Variants in MYH6 observed in about 807,000 individuals in gnomAD.
The protein encoded by MYH6 is myosin-6.
MYH6 carries 126 observed loss-of-function variants against 223.2 expected under a neutral mutation model. The observed-to-expected ratio is 0.56, with a 90% CI of 0.49 to 0.65. The LOEUF (loss-of-function observed/expected upper bound fraction) is 0.65. MYH6 is among the 30% of genes least tolerant of loss of function. MYH6 has a pLI of 0.00. For synonymous variants in MYH6, 978 were observed against 1,010.2 expected (o/e 0.97, Z 0.61); for missense variants, 2,040 against 2,536.4 (o/e 0.80, Z 4.20).
chr14:23,397,755 C>G, intron 15 of MYH6, 142 bp from the exon 16 acceptor site: 4 of 881,000 alleles, frequency 4.5e-6, no homozygotes, highest in Non-Finnish European at 7.3e-6. Context: ...ATGAGGATGA[C>G]AGTAACAACT....
At position 23,405,048 on chromosome 14, in the gene MYH6, G is replaced by A. The variant is rs371031033; in HGVS notation, c.530+52C>T. On this transcript the variant is annotated intron_variant, in intron 6 of 38. Coordinates refer to ENST00000405093, the MANE Select transcript of MYH6 (RefSeq NM_002471.4). The surrounding 1 kb of genome is among the most constrained non-coding windows in gnomAD (Gnocchi z 4.7). Reference sequence around the variant, plus strand: ...CCTCCCAACTACACCCTAGGCATCAGCGTGTATGCCCCCAGCCCAGTCCCT... The same window carrying A: ...CCTCCCAACTACACCCTAGGCATCAACGTGTATGCCCCCAGCCCAGTCCCT... The A allele has an allele frequency of 1.9e-6, 3 of 1,612,572 alleles. No homozygotes were observed. The highest frequency in any genetic ancestry group is 1.7e-6 in the Non-Finnish European group (2 of 1,178,754).
Position 23,384,507 on chromosome 14 carries a change from G to A in MYH6, c.5500C>T (p.Arg1834Cys), listed in dbSNP as rs137923514. Residue 1834 changes from arginine (R) to cysteine (C), a missense_variant, in exon 36 of 39, where the codon CGC (arginine) becomes TGC (cysteine). Coordinates refer to ENST00000405093, the MANE Select transcript of MYH6 (RefSeq NM_002471.4). ...LEGELEAEQK[R>C]NAESVKGMRK... Reference sequence around the variant, plus strand: ...ATGCCCTTCACCGACTCTGCGTTGCGCTTCTGCTCGGCCTCCAGCTCACCC... The same window carrying A: ...ATGCCCTTCACCGACTCTGCGTTGCACTTCTGCTCGGCCTCCAGCTCACCC... The A allele has an allele frequency of 1.3e-5, 21 of 1,613,044 alleles. No individual in the cohort carries two copies. The highest frequency in any genetic ancestry group is 2.2e-5 in the East Asian group (1 of 44,886).
rs1480844465 is a variant in MYH6 at position 23,393,889 on chromosome 14, T to C, written c.2705A>G (p.Asp902Gly). 1 of 1,614,070 alleles carries C rather than the reference T, an allele frequency of 6.2e-7. No individual in the cohort carries two copies. Among genetic ancestry groups the C allele is most frequent in the Non-Finnish European group, 8.5e-7 (1 of 1,180,050 alleles). ...QVQAEQDNLNDAEERCDQLIK... is the reference protein window; with the variant it reads ...QVQAEQDNLNGAEERCDQLIK... ...CAGCTGGTCGCAGCGCTCCTCAGCA[T>C]CATTGAGGTTGTCTTGTTCCTGGGA... The change falls in exon 22 of 39, where the codon GAT (aspartate) becomes GGT (glycine). Residue 902 changes from aspartate (D) to glycine (G), a missense_variant. Around this residue, in one of 4 missense-constraint regions of MYH6, gnomAD observed 1,203 missense variants for 1,400.2 expected, o/e 0.86. Coordinates refer to ENST00000405093, the MANE Select transcript of MYH6 (RefSeq NM_002471.4).
At chr14:23,395,619 C>A (rs943074808) in intron 20 of MYH6, among the ~76,000 whole-genome samples, 1 of 152,094 alleles carries the variant, frequency 6.6e-6, no homozygotes, top group African/African-American at 2.4e-5. Flanking sequence ...CTCTGCCTCC[C>A]GGGCTCATGC....
At chr14:23,402,625 G>C (rs781163387) in intron 11 of MYH6, 23 bp from the exon 12 acceptor site, 9 of 1,613,734 alleles carry the variant, frequency 5.6e-6, no homozygotes, top group South Asian at 1.1e-5. Context: ...GAGAGACAAA[G>C]AGGGGGGTTG....
In MYH6 at chr14:23,386,500, G is replaced by A; in HGVS notation, c.4774C>T (p.His1592Tyr). 5 of 1,614,172 alleles carry A rather than the reference G, an allele frequency of 3.1e-6. No individual in the cohort carries two copies. Among genetic ancestry groups the A allele is most frequent in the Non-Finnish European group, 4.2e-6 (5 of 1,180,032 alleles). The part of the protein sequence containing the change: ...DEEMEQAKRN[H>Y]QRVVDSLQTS... Reference sequence around the variant, plus strand: ...TGCAGCGAGTCCACCACCCGCTGGTGGTTGCGCTTGGCCTGTTCCATCTCC... The same window carrying A: ...TGCAGCGAGTCCACCACCCGCTGGTAGTTGCGCTTGGCCTGTTCCATCTCC... The change falls in exon 33 of 39, where the codon CAC becomes TAC. Residue 1592 changes from histidine (H) to tyrosine (Y), a missense_variant. This residue lies in a region of MYH6 where 1,203 missense variants were observed against 1,400.2 expected (regional missense o/e 0.86). Transcript: ENST00000405093.
chr14:23,388,912 C>A lies in MYH6; in HGVS notation c.4122G>T (p.Arg1374Ser). ...SKANSEVAQW[R>S]TKYETDAIQR... ...GAATGGCGTCCGTCTCATACTTGGTCCTCCACTGGGCCACCTCCGAGTTGG... is the reference window on the plus strand; with the variant it reads ...GAATGGCGTCCGTCTCATACTTGGTACTCCACTGGGCCACCTCCGAGTTGG... Residue 1374 changes from arginine (R) to serine (S), a missense_variant, in exon 29 of 39, where the codon AGG (arginine) becomes AGT (serine). This residue lies in a region of MYH6 where 1,203 missense variants were observed against 1,400.2 expected (regional missense o/e 0.86). Coordinates refer to ENST00000405093, the MANE Select transcript of MYH6 (RefSeq NM_002471.4). The A allele has an allele frequency of 3.1e-6, 5 of 1,613,802 alleles. No individual in the cohort carries two copies. Among genetic ancestry groups the A allele is most frequent in the Non-Finnish European group, 4.2e-6 (5 of 1,180,048 alleles).
chr14:23,406,359 G>A (rs1814645639), intron 3 of MYH6, among the ~76,000 whole-genome samples: 1 of 152,176 alleles, frequency 6.6e-6, no homozygotes, highest in Admixed American at 6.5e-5. Flanking sequence ...ATGACTAAAT[G>A]ATTTGCCTGC....
chr14:23,388,922 G>T lies in MYH6; in HGVS notation c.4112C>A (p.Ala1371Asp). The change falls in exon 29 of 39, where the codon GCC (alanine) becomes GAC (aspartate). Residue 1371 changes from alanine to aspartate, a missense_variant. Transcript: ENST00000405093. ...CGTCTCATACTTGGTCCTCCACTGG[G>T]CCACCTCCGAGTTGGCCTTGGACAG... The part of the protein sequence containing the change: ...RVLSKANSEV[A>D]QWRTKYETDA... The T allele has an allele frequency of 6.2e-7, 1 of 1,613,784 alleles. No homozygotes were observed. Among genetic ancestry groups the T allele is most frequent in the Non-Finnish European group, 8.5e-7 (1 of 1,180,044 alleles).
chr14:23,382,426 A>G lies in MYH6; in HGVS notation c.5796+2T>C. 6.2e-7 allele frequency: 1 copy of G among 1,614,080 alleles called. No homozygotes were observed. The highest frequency in any genetic ancestry group is 8.5e-7 in the Non-Finnish European group (1 of 1,180,010). Reference sequence around the variant, plus strand: ...CTAGTGAAGCCCAGGGGAGGGACCCACCTTGGCACCAATGTCACGGCTCTT... The same window carrying G: ...CTAGTGAAGCCCAGGGGAGGGACCCGCCTTGGCACCAATGTCACGGCTCTT... On this transcript the variant is annotated splice_donor_variant, in intron 38 of 38. Coordinates refer to ENST00000405093, the MANE Select transcript of MYH6 (RefSeq NM_002471.4). LOFTEE classifies it high-confidence loss of function.
intron 3 of MYH6, among the ~76,000 whole-genome samples, chr14:23,406,139 C>G (rs1595065057): frequency 1.3e-5 from 2 of 152,246 alleles, no homozygotes; most frequent in East Asian, 3.9e-4. Flanking sequence ...CCGAGGCTGT[C>G]TCCCGCGGGC....
At chr14:23,401,059 T>A (rs920333075) in intron 12 of MYH6, 82 bp from the exon 13 acceptor site, 27 of 1,553,084 alleles carry the variant, frequency 1.7e-5, no homozygotes, top group Admixed American at 3.9e-5. Context: ...CAGGCTTGAG[T>A]GCAGTGGCAC....
At chr14:23,397,336 C>G in intron 16 of MYH6, 79 bp from the exon 17 acceptor site, 1 of 1,421,276 alleles carries the variant, frequency 7.0e-7, no homozygotes, top group Non-Finnish European at 9.9e-7. Flanking sequence ...CCCAGACACT[C>G]TCCACCAGAA....
At chr14:23,398,294 G>A (rs1029085785) in intron 15 of MYH6, among the ~76,000 whole-genome samples, 6 of 152,100 alleles carry the variant, frequency 3.9e-5, no homozygotes, top group Non-Finnish European at 8.8e-5. Flanking sequence ...GGGATTACAG[G>A]CGTGAGCCAC....
Position 23,389,727 on chromosome 14 carries a change from A to T in MYH6, c.3733-8T>A. On this transcript the variant is annotated splice_polypyrimidine_tract_variant and splice_region_variant and intron_variant, in intron 26 of 38. Coordinates refer to ENST00000405093, the MANE Select transcript of MYH6 (RefSeq NM_002471.4). Reference sequence around the variant, plus strand: ...CACTTTCTCCAGGTTTGCCTTCAGGAAGCAAGACAGGAAGGGTGAGTGTGG... The same window carrying T: ...CACTTTCTCCAGGTTTGCCTTCAGGTAGCAAGACAGGAAGGGTGAGTGTGG... 6.2e-7 allele frequency: 1 copy of T among 1,614,104 alleles called. No homozygotes were observed. The highest frequency in any genetic ancestry group is 1.1e-5 in the South Asian group (1 of 91,064).
chr14:23,405,785 T>A lies in MYH6; in HGVS notation c.202-15A>T. The A allele has an allele frequency of 6.2e-7, 1 of 1,614,074 alleles. No individual in the cohort carries two copies. The highest frequency in any genetic ancestry group is 8.5e-7 in the Non-Finnish European group (1 of 1,179,978). On this transcript the variant is annotated splice_polypyrimidine_tract_variant and intron_variant, in intron 3 of 38. Transcript: ENST00000405093. The surrounding 1 kb of genome is among the most constrained non-coding windows in gnomAD (Gnocchi z 4.7). ...ACAGTCACCGTCTGGAGGGGGCGCATAAGCAGGAGGATGAGTGACCACAAT... is the reference window on the plus strand; with the variant it reads ...ACAGTCACCGTCTGGAGGGGGCGCAAAAGCAGGAGGATGAGTGACCACAAT...
chr14:23,399,194 A>G (rs945970100), intron 14 of MYH6, among the ~76,000 whole-genome samples, 157 bp from the exon 15 acceptor site: 2 of 152,196 alleles, frequency 1.3e-5, no homozygotes, highest in Admixed American at 1.3e-4. Context: ...CAGGAAGCCA[A>G]TATTCCTGGA....
Position 23,403,371 on chromosome 14 carries a change from G to T in MYH6, c.875C>A (p.Ser292Tyr). The T allele has an allele frequency of 6.2e-7, 1 of 1,614,092 alleles. No homozygotes were observed. The highest frequency in any genetic ancestry group is 8.5e-7 in the Non-Finnish European group (1 of 1,179,992). The change falls in exon 10 of 39, where the codon TCC becomes TAC. Residue 292 changes from serine to tyrosine, a missense_variant. Around this residue, in one of 4 missense-constraint regions of MYH6, gnomAD observed 649 missense variants for 877.3 expected, o/e 0.74. Transcript: ENST00000405093. ...RNYHIFYQIL[S>Y]NKKPELLDML... ...ACCCAGCAACTCCGGCTTCTTGTTG[G>T]ACAGAATCTGGTAGAAGATGTGGTA...
chr14:23,391,110 C>T (rs1418377064), intron 25 of MYH6, among the ~76,000 whole-genome samples: 1 of 152,192 alleles, frequency 6.6e-6, no homozygotes, highest in Non-Finnish European at 1.5e-5. Flanking sequence ...ATTTTTTGGG[C>T]CTTAGCCTTG....
Sources: gnomAD v4.1 joint callset for allele counts (sites outside exome capture counted in the v4.1 genomes callset) on GRCh38, gnomAD v4.1.1 for gene constraint, gnomAD v4.1.1 regional missense constraint, Gnocchi (gnomAD v3.1) non-coding constraint, MANE v1.5 for transcripts, NCBI Gene and HGNC (gene_info 2026-07-23, HGNC 2026-07-21) for gene names.